Variants in SPPL2B observed in about 807,000 individuals in gnomAD.
SPPL2B encodes the protein signal peptide peptidase like 2B, also known as signal peptide peptidase-like 2B.
A neutral mutation model predicts 59.7 loss-of-function variants in SPPL2B; 39 were observed. That is an observed-to-expected ratio of 0.65 (90% confidence interval 0.51 to 0.85). SPPL2B has a LOEUF of 0.85. SPPL2B is among the 40% of genes least tolerant of loss of function. The pLI is 0.00. For missense variants in SPPL2B, 865 were observed against 849.0 expected (o/e 1.02, Z -0.23); for synonymous variants, 419 against 370.8 (o/e 1.13, Z -1.49).
At chr19:2,345,481 C>A (rs568875247) in intron 13 of SPPL2B, among the ~76,000 whole-genome samples, 151 bp downstream of exon 13, 5 of 152,230 alleles carry the variant, frequency 3.3e-5, no homozygotes, top group African/African-American at 1.2e-4. Context: ...AACCCTAACC[C>A]CCTGGCCACT....
chr19:2,339,835 A>G lies in SPPL2B; in HGVS notation c.611A>G (p.Lys204Arg), dbSNP rs1356828763. 6.2e-7 allele frequency: 1 copy of G among 1,607,382 alleles called. No homozygotes were observed. The highest frequency in any genetic ancestry group is 1.7e-5 in the Admixed American group (1 of 59,072). Reference protein sequence around the residue: ...GSRDVKKRYMKHKRDDGPEKQ... With the variant: ...GSRDVKKRYMRHKRDDGPEKQ... ...TGGTGTCTCCCAAGAAGGTACATGA[A>G]GCACAAGCGCGACGATGGGCCCGAG... Residue 204 changes from lysine to arginine, a missense_variant, in exon 6 of 15, where the codon AAG (lysine) becomes AGG (arginine). Physicochemically the swap from Lys to Arg is conservative, Grantham distance 26 (BLOSUM62 2). Transcript: ENST00000613503.
chr19:2,334,836 AC>A (rs1286087367), intron 2 of SPPL2B, 115 bp downstream of exon 2: 30 of 1,353,040 alleles, frequency 2.2e-5, no homozygotes, highest in Non-Finnish European at 2.9e-6. Flanking sequence ...GCAGGCCCTG[AC>A]CAGGTCTGGG....
At chr19:2,336,151 T>C (rs1398470150) in intron 2 of SPPL2B, among the ~76,000 whole-genome samples, 1 of 152,210 alleles carries the variant, frequency 6.6e-6, no homozygotes, top group African/African-American at 2.4e-5. Context: ...CACACCTGTG[T>C]GTGTGAGCAT....
At chr19:2,337,673 G>T (rs772221593) in intron 3 of SPPL2B, 48 bp downstream of exon 3, 4 of 1,490,220 alleles carry the variant, frequency 2.7e-6, no homozygotes, top group East Asian at 4.8e-5. Context: ...GGGGCAGGAG[G>T]GGGGTGCAGG....
intron 9 of SPPL2B, among the ~76,000 whole-genome samples, 183 bp from the exon 10 acceptor site, chr19:2,343,782 C>T (rs1484827407): frequency 4.6e-5 from 7 of 152,138 alleles, no homozygotes; most frequent in African/African-American, 1.4e-4. Flanking sequence ...GACTTTTGCC[C>T]GTAAATCCCT....
Position 2,340,127 on chromosome 19 carries a change from G to A in SPPL2B, c.794G>A (p.Ser265Asn). Residue 265 changes from serine to asparagine, a missense_variant, in exon 7 of 15, where the codon AGC becomes AAC. Coordinates refer to ENST00000613503, the MANE Select transcript of SPPL2B (RefSeq NM_152988.3). ...CTGGCCTCCGCCACCGGCCTCTACA[G>A]CTGCCTGGCGCCCTGTGTGCGGCGG... ...FCLASATGLYSCLAPCVRRLP... is the reference protein window; with the variant it reads ...FCLASATGLYNCLAPCVRRLP... The A allele has an allele frequency of 6.3e-7, 1 of 1,592,380 alleles. No homozygotes were observed. Among genetic ancestry groups the A allele is most frequent in the Non-Finnish European group, 8.5e-7 (1 of 1,175,336 alleles).
rs1968727439 is a variant in SPPL2B, at chr19:2,337,558, A to G, written c.302A>G (p.Tyr101Cys). 2 of 1,611,886 alleles carry G rather than the reference A, an allele frequency of 1.2e-6. No homozygotes were observed. Among genetic ancestry groups the G allele is most frequent in the Non-Finnish European group, 8.5e-7 (1 of 1,179,438 alleles). The change falls in exon 3 of 15, where the codon TAT becomes TGT. Residue 101 changes from tyrosine to cysteine, a missense_variant. Coordinates refer to ENST00000613503, the MANE Select transcript of SPPL2B (RefSeq NM_152988.3). ...GTGGCGCGGGGGAACTGCACCTTCT[A>G]TGAGAAAGTGAGGCTGGCCCAGGGC... ...PLVARGNCTF[Y>C]EKVRLAQGSG...
Position 2,338,823 on chromosome 19 carries a change from C to G in SPPL2B, c.441C>G (p.Asp147Glu). 1 of 1,613,556 alleles carries G rather than the reference C, an allele frequency of 6.2e-7. No homozygotes were observed. The highest frequency in any genetic ancestry group is 8.5e-7 in the Non-Finnish European group (1 of 1,179,648). ...GIPVALLSYK[D>E]MLDIFTRFGR... ...CCGTGGCCCTGCTCAGCTACAAAGA[C>G]ATGCTGGACATCTTCACGGTAGGTC... Residue 147 changes from aspartate (D) to glutamate (E), a missense_variant, in exon 4 of 15, where the codon GAC becomes GAG. Asp to Glu is a conservative substitution (Grantham distance 45, BLOSUM62 2). Coordinates refer to ENST00000613503, the MANE Select transcript of SPPL2B (RefSeq NM_152988.3).
At position 2,345,233 on chromosome 19, in the gene SPPL2B, C is replaced by T. The variant is rs199653772; in HGVS notation, c.1277-20C>T. 3.9e-4 allele frequency: 631 copies of T among 1,611,484 alleles called. 4 individuals carry two copies. The African/African-American group carries it at 7.1e-3, about 18-fold the overall frequency. On this transcript the variant is annotated intron_variant, in intron 12 of 14. Coordinates refer to ENST00000613503, the MANE Select transcript of SPPL2B (RefSeq NM_152988.3). ...AGGCTCTGCGGGCCCGAGTAAGCCT[C>T]CGCCCTGTGCCTCCCCCAGGGCTGC...
intron 13 of SPPL2B, among the ~76,000 whole-genome samples, chr19:2,345,610 CA>C: frequency 6.7e-6 from 1 of 149,508 alleles, no homozygotes; most frequent in African/African-American, 2.5e-5. Context: ...CCTCTGTCCC[CA>C]TCTTCCTCAT....
rs540644979 is a variant in SPPL2B at position 2,337,472 on chromosome 19, C to T, written c.216C>T (p.Ala72=). 6 of 1,610,154 alleles carry T rather than the reference C, an allele frequency of 3.7e-6. No individual in the cohort carries two copies. In the East Asian group the frequency reaches 1.3e-4, roughly 36 times the overall value. The change falls in exon 3 of 15, where the codon GCC becomes GCT. Residue 72 remains alanine, a synonymous_variant. Transcript: ENST00000613503. The part of the protein sequence containing the change: ...ASFLQLRNWT[A]SLLCSAADLP... ...TCCTGCAGCTGCGCAACTGGACGGC[C>T]TCCCTGCTCTGCTCCGCAGCCGACC...
rs1970030889 is a variant in SPPL2B, at chr19:2,353,216, G to A, written c.*7G>A. ...GCCTGGCGCCTCGGCCTAGGGGAGG[G>A]GTGAGACGCTCGCTGCCGTGCCCGC... On this transcript the variant is annotated 3_prime_UTR_variant, in exon 15 of 15. Transcript: ENST00000613503. The A allele has an allele frequency of 6.3e-7, 1 of 1,585,972 alleles. No individual in the cohort carries two copies. The highest frequency in any genetic ancestry group is 8.5e-7 in the Non-Finnish European group (1 of 1,172,860).
chr19:2,354,271 C>T lies in SPPL2B; in HGVS notation c.*1062C>T. 1 of 152,316 alleles carries T rather than the reference C, an allele frequency of 6.6e-6. No individual in the cohort carries two copies. Among genetic ancestry groups the T allele is most frequent in the East Asian group, 1.9e-4 (1 of 5,196 alleles). The allele number at this position is 152,316 out of a possible 1,614,324, so 9.4% of individuals were successfully genotyped here. ...GCATGGTCTACTCACTGATGGGGTC[C>T]TCCTGACTCCAGGGCAGAGACGTCC... On this transcript the variant is annotated 3_prime_UTR_variant, in exon 15 of 15. Coordinates refer to ENST00000613503, the MANE Select transcript of SPPL2B (RefSeq NM_152988.3).
chr19:2,341,585 G>A (rs888758826), intron 8 of SPPL2B: 10 of 456,044 alleles, frequency 2.2e-5, no homozygotes, highest in African/African-American at 6.0e-5. Context: ...GCCCGTCCCC[G>A]CCCGGTCCCC....
Position 2,339,851 on chromosome 19 carries a change from T to C in SPPL2B, c.627T>C (p.Asp209=), listed in dbSNP as rs746534285. The change falls in exon 6 of 15, where the codon GAT becomes GAC. Residue 209 remains aspartate (D), a synonymous_variant. Coordinates refer to ENST00000613503, the MANE Select transcript of SPPL2B (RefSeq NM_152988.3). ...KKRYMKHKRD[D]GPEKQEDEAV... Reference sequence around the variant, plus strand: ...GGTACATGAAGCACAAGCGCGACGATGGGCCCGAGAAGCAGGAGGACGAGG... The same window carrying C: ...GGTACATGAAGCACAAGCGCGACGACGGGCCCGAGAAGCAGGAGGACGAGG... 58 of 1,606,110 alleles carry C rather than the reference T, an allele frequency of 3.6e-5. 2 individuals carry two copies. The South Asian group carries it at 6.0e-4, about 17-fold the overall frequency.
At position 2,353,112 on chromosome 19, in the gene SPPL2B, C is replaced by T. The variant is rs545951640; in HGVS notation, c.1682C>T (p.Ala561Val). The T allele has an allele frequency of 3.3e-5, 53 of 1,610,680 alleles. 1 individual carries two copies. The East Asian group carries it at 1.1e-3, about 33-fold the overall frequency. Reference protein sequence around the residue: ...PKSRTSEEMGAGAPMREPGSP... With the variant: ...PKSRTSEEMGVGAPMREPGSP... ...TCACGCACGTCCGAGGAGATGGGGG[C>T]TGGAGCCCCCATGCGGGAGCCTGGG... Residue 561 changes from alanine to valine, a missense_variant, in exon 15 of 15, where the codon GCT (alanine) becomes GTT (valine). By Grantham distance (64) the Ala-to-Val change is moderately conservative. Transcript: ENST00000613503.
intron 2 of SPPL2B, among the ~76,000 whole-genome samples, chr19:2,336,770 C>T (rs1372504495): frequency 6.7e-6 from 1 of 148,296 alleles, no homozygotes; most frequent in Non-Finnish European, 1.5e-5. Context: ...CGTGTGTGTG[C>T]ATGCACTCCA....
At chr19:2,337,323 C>A in intron 2 of SPPL2B, 120 bp from the exon 3 acceptor site, 1 of 982,212 alleles carries the variant, frequency 1.0e-6, no homozygotes, top group Non-Finnish European at 1.5e-6. Context: ...CGAGGCCGTG[C>A]GGGGCTTTAG....
At chr19:2,334,512 C>A (rs1396396711) in intron 1 of SPPL2B, 90 bp from the exon 2 acceptor site, 6 of 1,479,154 alleles carry the variant, frequency 4.1e-6, no homozygotes, top group Non-Finnish European at 4.5e-6. Context: ...TTCCTGGAGG[C>A]GTCCTCCCCT....
Sources: gnomAD v4.1 joint callset for allele counts (sites outside exome capture counted in the v4.1 genomes callset) on GRCh38, gnomAD v4.1.1 for gene constraint, MANE v1.5 for transcripts, NCBI Gene and HGNC (gene_info 2026-07-23, HGNC 2026-07-21) for gene names.